Variants in OLA1 observed in about 807,000 individuals in gnomAD.
OLA1 encodes obg-like ATPase 1.
Under a neutral mutation model 48.4 loss-of-function variants are expected in OLA1, and 14 were observed. The observed-to-expected ratio is 0.29, with a 90% CI of 0.19 to 0.45. The LOEUF (loss-of-function observed/expected upper bound fraction) is 0.45. Ranked by LOEUF, OLA1 falls within the 20% of genes least tolerant of loss-of-function variation. The pLI is 1.00. For synonymous variants in OLA1, 127 were observed against 150.4 expected, an observed-to-expected ratio of 0.84 and a Z score of 1.14; for missense variants, 325 against 467.1, an observed-to-expected ratio of 0.70 and a Z score of 2.80.
At chr2:174,150,596 G>C (rs990434251) in intron 4 of OLA1, among the ~76,000 whole-genome samples, 1 of 152,168 alleles carries the variant, frequency 6.6e-6, no homozygotes, top group African/African-American at 2.4e-5. Flanking sequence ...ACAATACAGA[G>C]ACACAGAATT....
At chr2:174,175,693 A>G (rs561971900) in intron 4 of OLA1, among the ~76,000 whole-genome samples, 10 of 152,188 alleles carry the variant, frequency 6.6e-5, no homozygotes, top group Admixed American at 2.0e-4. Flanking sequence ...GTTACCATAC[A>G]CTTCAGCTAT....
At chr2:174,162,131 C>G (rs1408819185) in intron 4 of OLA1, among the ~76,000 whole-genome samples, 1 of 152,026 alleles carries the variant, frequency 6.6e-6, no homozygotes, top group Non-Finnish European at 1.5e-5. Flanking sequence ...AGAGGTACAG[C>G]AAAGGCAAGG....
chr2:174,246,427 C>G (rs1689129537), intron 2 of OLA1, among the ~76,000 whole-genome samples: 1 of 152,134 alleles, frequency 6.6e-6, no homozygotes, highest in South Asian at 2.1e-4. Flanking sequence ...AAAACTGTCA[C>G]CTCCTTCTCC....
chr2:174,241,752 C>T (rs113452070), intron 2 of OLA1, among the ~76,000 whole-genome samples: 4,254 of 152,312 alleles, frequency 0.028, 105 homozygotes, highest in South Asian at 0.076. Context: ...TCTCCTGCCT[C>T]GGCCTCCCGA....
chr2:174,125,107 A>G (rs1446781974), intron 5 of OLA1, among the ~76,000 whole-genome samples: 1 of 152,238 alleles, frequency 6.6e-6, no homozygotes, highest in Non-Finnish European at 1.5e-5. Flanking sequence ...CAAATGCATT[A>G]TGATTAAAAA....
At chr2:174,120,163 T>C (rs17239610) in intron 7 of OLA1, among the ~76,000 whole-genome samples, 8,027 of 152,224 alleles carry the variant, frequency 0.053, 289 homozygotes, top group Middle Eastern at 0.14. Flanking sequence ...ACTGATTTCA[T>C]AATTGGATGG....
At chr2:174,151,184 A>G (rs1445623134) in intron 4 of OLA1, among the ~76,000 whole-genome samples, 1 of 152,204 alleles carries the variant, frequency 6.6e-6, no homozygotes, top group African/African-American at 2.4e-5. Context: ...AAGACTAACC[A>G]GAAGTAAAGA....
chr2:174,241,344 G>C (rs758920984), intron 2 of OLA1, among the ~76,000 whole-genome samples: 5 of 152,176 alleles, frequency 3.3e-5, no homozygotes. Context: ...TTTTGGAATG[G>C]TTTGCTACAC....
At chr2:174,081,784 T>C in intron 8 of OLA1, 140 bp downstream of exon 8, 1 of 799,206 alleles carries the variant, frequency 1.3e-6, no homozygotes. Context: ...TTTCACTCTG[T>C]CTCATGGTAA....
intron 4 of OLA1, among the ~76,000 whole-genome samples, chr2:174,172,982 G>A (rs112912321): frequency 0.026 from 4,025 of 152,120 alleles, 167 homozygotes; most frequent in African/African-American, 0.09. Flanking sequence ...GTGATATGCC[G>A]CCTCCCCCTT....
chr2:174,247,602 C>A (rs1018973628), intron 1 of OLA1: 6 of 1,546,488 alleles, frequency 3.9e-6, no homozygotes, highest in Non-Finnish European at 3.5e-6. Context: ...AACCATTCCT[C>A]TATAATCTGG....
intron 4 of OLA1, among the ~76,000 whole-genome samples, chr2:174,185,495 A>G (rs534966544): frequency 2.6e-5 from 4 of 152,312 alleles, no homozygotes; most frequent in Non-Finnish European, 5.9e-5. Context: ...TTATTTTTTG[A>G]GACTTTTTTC....
intron 4 of OLA1, among the ~76,000 whole-genome samples, chr2:174,211,039 G>A (rs572849068): frequency 6.9e-4 from 105 of 152,234 alleles, no homozygotes; most frequent in African/African-American, 2.4e-3. Flanking sequence ...TGAGGTGGAA[G>A]GAGGAAGCTA....
intron 5 of OLA1, among the ~76,000 whole-genome samples, chr2:174,140,525 G>A (rs771855858): frequency 5.9e-5 from 9 of 151,816 alleles, no homozygotes; most frequent in East Asian, 3.9e-4. Context: ...GCACCACCAC[G>A]CCTGGCTAAT....
chr2:174,244,583 AT>A (rs952075713), intron 2 of OLA1, among the ~76,000 whole-genome samples: 6 of 151,526 alleles, frequency 4.0e-5, no homozygotes, highest in African/African-American at 9.7e-5. Context: ...GTTGTTTACT[AT>A]TTTTTTTACT....
chr2:174,099,914 T>C (rs1322449413), intron 7 of OLA1, among the ~76,000 whole-genome samples: 2 of 152,204 alleles, frequency 1.3e-5, no homozygotes, highest in East Asian at 3.8e-4. Flanking sequence ...ATTAAATGCA[T>C]CTTATCTTTC....
chr2:174,204,061 G>A (rs1467700790), intron 4 of OLA1, among the ~76,000 whole-genome samples: 1 of 151,442 alleles, frequency 6.6e-6, no homozygotes, highest in Non-Finnish European at 1.5e-5. Context: ...CCAAAGTGCT[G>A]GGATTACAGG....
At chr2:174,081,064 C>A (rs1026337647) in intron 9 of OLA1, 88 bp downstream of exon 9, 1 of 1,099,484 alleles carries the variant, frequency 9.1e-7, no homozygotes, top group Non-Finnish European at 1.4e-6. Context: ...AGCTAACCGC[C>A]ACCATGACAA....
At chr2:174,132,838 T>C (rs1686215037) in intron 5 of OLA1, among the ~76,000 whole-genome samples, 1 of 152,234 alleles carries the variant, frequency 6.6e-6, no homozygotes, top group Non-Finnish European at 1.5e-5. Context: ...ATCCTATATA[T>C]GTCAATTAGG....
Sources: allele counts gnomAD v4.1 joint callset (sites outside exome capture counted in the v4.1 genomes callset), GRCh38; gene constraint gnomAD v4.1.1; transcripts MANE v1.5; gene names NCBI Gene and HGNC (gene_info 2026-07-23, HGNC 2026-07-21).